DHX34: variants seen among roughly 807,000 people sequenced by gnomAD.
The protein encoded by DHX34 is DExH-box helicase 34, also known as probable ATP-dependent RNA helicase DHX34.
A neutral mutation model predicts 111.1 loss-of-function variants in DHX34; 96 were observed. The observed-to-expected ratio is 0.86, with a 90% CI of 0.73 to 1.02. DHX34 has a LOEUF of 1.02. DHX34 is among the 50% of genes least tolerant of loss of function. The probability of loss-of-function intolerance (pLI) is 0.00; values close to 1 mark genes in which losing one functional copy is unlikely to be tolerated. For synonymous variants in DHX34, 688 were observed against 670.4 expected (o/e 1.03, Z -0.41); for missense variants, 1,560 against 1,579.9 (o/e 0.99, Z 0.21).
chr19:47,362,645 C>A lies in DHX34; in HGVS notation c.1545C>A (p.Tyr515Ter). The change falls in exon 6 of 17, where the codon TAC (tyrosine) becomes TAA (stop). Residue 515 changes from tyrosine (Y) to a stop codon, truncating the protein, a stop_gained. Transcript: ENST00000328771. LOFTEE classifies it high-confidence loss of function. Reference sequence around the variant, plus strand: ...CGGACTATGATGCCTTCGCCCCCTACCCCGTCCCAGAAATTCGGAGGGTGG... The same window carrying A: ...CGGACTATGATGCCTTCGCCCCCTAACCCGTCCCAGAAATTCGGAGGGTGG... ...AESDYDAFAP[Y>*]PVPEIRRVAL... is the part of the protein sequence containing the mutation. 1.2e-6 allele frequency: 2 copies of A among 1,613,532 alleles called. No individual in the cohort carries two copies. Among genetic ancestry groups the A allele is most frequent in the Non-Finnish European group, 1.7e-6 (2 of 1,179,948 alleles).
chr19:47,351,014 A>G (rs561530185), intron 1 of DHX34, among the ~76,000 whole-genome samples: 47 of 152,190 alleles, frequency 3.1e-4, no homozygotes, highest in Non-Finnish European at 5.1e-4. Flanking sequence ...CAAGAGACCA[A>G]AAGATGGTCA....
At chr19:47,366,932 C>T (rs1969802728) in intron 6 of DHX34, 49 bp from the exon 7 acceptor site, 2 of 1,499,964 alleles carry the variant, frequency 1.3e-6, no homozygotes, top group East Asian at 5.0e-5. Flanking sequence ...CTGTGCTGCA[C>T]AGTGGCTCTT....
At chr19:47,376,362 G>A in intron 11 of DHX34, 81 bp from the exon 12 acceptor site, 1 of 1,552,042 alleles carries the variant, frequency 6.4e-7, no homozygotes, top group Non-Finnish European at 8.7e-7. Flanking sequence ...AGGGAACCTG[G>A]GCCAGAGGGT....
chr19:47,357,149 C>T (rs1053940342), intron 3 of DHX34, among the ~76,000 whole-genome samples: 10 of 152,268 alleles, frequency 6.6e-5, no homozygotes, highest in African/African-American at 2.4e-4. Context: ...CAACCTGGCT[C>T]AGGCTCAGGG....
chr19:47,362,995 T>C (rs1238354003), intron 6 of DHX34, among the ~76,000 whole-genome samples: 2 of 152,048 alleles, frequency 1.3e-5, no homozygotes, highest in African/African-American at 2.4e-5. Flanking sequence ...CTGTCGCCCA[T>C]GCTGGAGTGC....
intron 7 of DHX34, 101 bp downstream of exon 7, chr19:47,367,256 G>A (rs1390706076): frequency 8.1e-7 from 1 of 1,241,786 alleles, no homozygotes; most frequent in Non-Finnish European, 1.0e-6. Context: ...TTCTTCCCTG[G>A]GTCCAGTTCA....
At position 47,376,021 on chromosome 19, in the gene DHX34, T is replaced by C; in HGVS notation, c.2405T>C (p.Leu802Pro). The C allele has an allele frequency of 6.2e-7, 1 of 1,605,458 alleles. No homozygotes were observed. The highest frequency in any genetic ancestry group is 8.5e-7 in the Non-Finnish European group (1 of 1,177,358). The part of the protein sequence containing the change: ...LSREQLALLK[L>P]VLGRGLYPQL... ...CGCGAGCAGCTGGCTCTGCTGAAGC[T>C]GGTGCTGGGCCGGGGCCTGTACCCA... is the stretch of plus-strand genomic sequence containing the variant. Residue 802 changes from leucine to proline, a missense_variant, in exon 11 of 17, where the codon CTG (leucine) becomes CCG (proline). Physicochemically the swap from Leu to Pro is moderately conservative, Grantham distance 98 (BLOSUM62 -3). Coordinates refer to ENST00000328771, the MANE Select transcript of DHX34 (RefSeq NM_014681.6).
intron 6 of DHX34, among the ~76,000 whole-genome samples, chr19:47,365,327 C>G (rs1969759033): frequency 1.3e-5 from 2 of 152,050 alleles, no homozygotes; most frequent in Non-Finnish European, 2.9e-5. Context: ...TCTCGGCTCA[C>G]TGCAACCTCC....
Position 47,352,917 on chromosome 19 carries a change from A to T in DHX34, c.-114A>T. On this transcript the variant is annotated 5_prime_UTR_variant, in exon 2 of 17. Transcript: ENST00000328771. ...AGGAGGAAAAATTAGCTCTTTGAAG[A>T]GAAAGTAGTTCTCTATTGCAGGCAC... is the stretch of plus-strand genomic sequence containing the variant. 1 of 1,453,324 alleles carries T rather than the reference A, an allele frequency of 6.9e-7. No homozygotes were observed. The highest frequency in any genetic ancestry group is 9.1e-7 in the Non-Finnish European group (1 of 1,102,942). 90.0% of individuals were successfully genotyped at this position (1,453,324 alleles called of 1,614,324 possible). A position where few individuals can be genotyped will look rare whatever the true frequency, so the allele number is the denominator to read the frequency against.
At chr19:47,350,182 T>C (rs1969241251) in intron 1 of DHX34, among the ~76,000 whole-genome samples, 2 of 151,538 alleles carry the variant, frequency 1.3e-5, no homozygotes, top group Non-Finnish European at 2.9e-5. Flanking sequence ...GATGGGGAAA[T>C]GGAGAGAGGT....
rs552288115 is a variant in DHX34 at position 47,382,250 on chromosome 19, G to A, written c.*137G>A. 90 of 1,422,686 alleles carry A rather than the reference G, an allele frequency of 6.3e-5. No individual in the cohort carries two copies. The highest frequency in any genetic ancestry group is 7.4e-5 in the Non-Finnish European group (80 of 1,078,776). 88.1% of individuals were successfully genotyped at this position (1,422,686 alleles called of 1,614,324 possible). A position where few individuals can be genotyped will look rare whatever the true frequency, so the allele number is the denominator to read the frequency against. ...TCCCAGTGCAGAGGGCCTGGAGCAC[G>A]GATTGTGAATAAAGCCTCACATGCT... On this transcript the variant is annotated 3_prime_UTR_variant, in exon 17 of 17. Coordinates refer to ENST00000328771, the MANE Select transcript of DHX34 (RefSeq NM_014681.6).
chr19:47,359,271 A>G (rs564338271), intron 4 of DHX34, among the ~76,000 whole-genome samples: 255 of 152,170 alleles, frequency 1.7e-3, no homozygotes, highest in Middle Eastern at 0.01. Flanking sequence ...AGACCATCCT[A>G]GGCAACACAG....
At chr19:47,380,650 C>G (rs1255122470) in intron 14 of DHX34, 166 bp from the exon 15 acceptor site, 43 of 985,192 alleles carry the variant, frequency 4.4e-5, no homozygotes, top group Non-Finnish European at 5.2e-5. Context: ...ATATTCTAGA[C>G]AGACCCCTGG....
intron 3 of DHX34, among the ~76,000 whole-genome samples, chr19:47,356,288 G>C (rs374038717): frequency 9.7e-4 from 147 of 152,192 alleles, no homozygotes; most frequent in African/African-American, 3.5e-3. Flanking sequence ...TGTCTCTTGT[G>C]ATTTCTGGTT....
intron 8 of DHX34, 148 bp downstream of exon 8, chr19:47,373,071 C>G: frequency 7.3e-6 from 8 of 1,100,464 alleles, no homozygotes; most frequent in Non-Finnish European, 1.0e-5. Flanking sequence ...TGGGGAGGGC[C>G]ATGTCTCCAT....
In DHX34 at chr19:47,373,635, TGCC is replaced by T. The variant is rs1438170001; in HGVS notation, c.2007_2009del (p.Arg670del). The T allele has an allele frequency of 8.7e-6, 14 of 1,613,764 alleles. No individual in the cohort carries two copies. Among genetic ancestry groups the T allele is most frequent in the Non-Finnish European group, 1.2e-5 (14 of 1,179,932 alleles). On this transcript the variant is annotated inframe_deletion, in exon 9 of 17. Transcript: ENST00000328771. ...ACGGAGCAGAAACTCTCGCAAGTGG[TGCC>T]GCCGCCGGGGCATAGAGGAGCATCG...
At chr19:47,372,591 G>T in intron 7 of DHX34, 139 bp from the exon 8 acceptor site, 1 of 1,410,608 alleles carries the variant, frequency 7.1e-7, no homozygotes, top group East Asian at 2.7e-5. Context: ...ATCTCCATCT[G>T]GGTCACAAGA....
Position 47,352,589 on chromosome 19 carries a change from C to T in DHX34, c.-277-165C>T, listed in dbSNP as rs977328810. 9.2e-5 allele frequency among the ~76,000 whole-genome samples: 14 copies of T among 152,036 alleles called. No individual in the cohort carries two copies. In the East Asian group the frequency reaches 2.5e-3, roughly 27 times the overall value. On this transcript the variant is annotated intron_variant, in intron 1 of 16. Coordinates refer to ENST00000328771, the MANE Select transcript of DHX34 (RefSeq NM_014681.6). ...GCTCGGGAGGCTGAGGCGGGAGGATCGCTTGAGTCCAGGAGGTCGAGGCTG... is the reference window on the plus strand; with the variant it reads ...GCTCGGGAGGCTGAGGCGGGAGGATTGCTTGAGTCCAGGAGGTCGAGGCTG...
intron 2 of DHX34, among the ~76,000 whole-genome samples, chr19:47,354,255 G>T (rs929982315): frequency 6.6e-6 from 1 of 152,124 alleles, no homozygotes; most frequent in Admixed American, 6.6e-5. Context: ...GAGCCACCAC[G>T]TTGGGCTGCG....
Sources: gnomAD v4.1 joint callset for allele counts (sites outside exome capture counted in the v4.1 genomes callset) on GRCh38, gnomAD v4.1.1 for gene constraint, MANE v1.5 for transcripts, NCBI Gene and HGNC (gene_info 2026-07-23, HGNC 2026-07-21) for gene names.